The following MEF2D variants were observed in gnomAD, a reference collection of about 807,000 sequenced individuals.
The protein encoded by MEF2D is myocyte-specific enhancer factor 2D.
Under a neutral mutation model 59.3 loss-of-function variants are expected in MEF2D, and 10 were observed. That is an observed-to-expected ratio of 0.17 (90% CI 0.10 to 0.29). The LOEUF (loss-of-function observed/expected upper bound fraction) is 0.29, where lower values mean the gene tolerates loss of function less well. MEF2D is among the 10% of genes least tolerant of loss of function. The pLI is 1.00. For missense variants in MEF2D, 508 were observed against 699.4 expected, an observed-to-expected ratio of 0.73 and a Z score of 3.09; for synonymous variants, 305 against 295.0, an observed-to-expected ratio of 1.03 and a Z score of -0.35.
chr1:156,485,499 G>A (rs1260049984), intron 1 of MEF2D, among the ~76,000 whole-genome samples: 1 of 149,236 alleles, frequency 6.7e-6, no homozygotes, highest in Non-Finnish European at 1.5e-5. Flanking sequence ...CGCTTCAAAC[G>A]ACTCCCTACC....
chr1:156,479,211 G>T lies in MEF2D; in HGVS notation c.664+79C>A, dbSNP rs539379582. 4.0e-5 allele frequency: 50 copies of T among 1,245,148 alleles called. No homozygotes were observed. The South Asian group carries it at 7.4e-4, about 19-fold the overall frequency. The allele number at this position is 1,245,148 out of a possible 1,614,324, so 77.1% of individuals were successfully genotyped here. On this transcript the variant is annotated intron_variant, in intron 6 of 11. Transcript: ENST00000348159. Reference sequence around the variant, plus strand: ...ATCTTCCTCTCCTCTCATCTAGGTCGTTCCTGATCCTTGGACCCCCTGAGG... The same window carrying T: ...ATCTTCCTCTCCTCTCATCTAGGTCTTTCCTGATCCTTGGACCCCCTGAGG...
At chr1:156,469,058 G>C (rs765256600) in intron 9 of MEF2D, 38 bp from the exon 10 acceptor site, 46 of 1,563,668 alleles carry the variant, frequency 2.9e-5, no homozygotes, top group African/African-American at 5.4e-5. Context: ...CTGGAGTTGG[G>C]GAGAGCACAC....
chr1:156,482,527 C>A lies in MEF2D; in HGVS notation c.168G>T (p.Gln56His). The change falls in exon 3 of 12, where the codon CAG (glutamine) becomes CAT (histidine). Residue 56 changes from glutamine to histidine, a missense_variant. By Grantham distance (24) the Gln-to-His change is conservative (BLOSUM62 0). This residue lies in a region of MEF2D where 27 missense variants were observed against 114.8 expected (regional missense o/e 0.24). Transcript: ENST00000348159. ...IIFNHSNKLF[Q>H]YASTDMDKVL... ...CCTTGTCCATGTCGGTGCTGGCGTA[C>A]TGGAACAGCTTGTTGGAGTGGTTGA... The A allele has an allele frequency of 6.2e-7, 1 of 1,614,234 alleles. No individual in the cohort carries two copies. Among genetic ancestry groups the A allele is most frequent in the Non-Finnish European group, 8.5e-7 (1 of 1,180,050 alleles).
chr1:156,467,997 G>T lies in MEF2D; in HGVS notation c.1550C>A (p.Thr517Asn). The change falls in exon 11 of 12, where the codon ACC becomes AAC. Residue 517 changes from threonine (T) to asparagine (N), a missense_variant. Physicochemically the swap from Thr to Asn is moderately conservative, Grantham distance 65. Transcript: ENST00000348159. ...GSAVKRMRLDTWTLK is the reference protein window; with the variant it reads ...GSAVKRMRLDNWTLK ...GGAGAGGTGATGCTACAGTACCCAGGTATCAAGCCGCATCCTCTTCACAGC... is the reference window on the plus strand; with the variant it reads ...GGAGAGGTGATGCTACAGTACCCAGTTATCAAGCCGCATCCTCTTCACAGC... The T allele has an allele frequency of 6.2e-7, 1 of 1,611,372 alleles. No individual in the cohort carries two copies. The highest frequency in any genetic ancestry group is 1.3e-5 in the African/African-American group (1 of 75,030).
intron 1 of MEF2D, among the ~76,000 whole-genome samples, chr1:156,491,733 G>A (rs1326656854): frequency 6.6e-6 from 1 of 152,210 alleles, no homozygotes; most frequent in African/African-American, 2.4e-5. Context: ...GCCTAAGGCT[G>A]TCTTCATACT....
rs1225544871 is a variant in MEF2D, at chr1:156,473,757, A to C, written c.1006+1351T>G. On this transcript the variant is annotated intron_variant, in intron 9 of 11. Coordinates refer to ENST00000348159, the MANE Select transcript of MEF2D (RefSeq NM_005920.4). ...ATTCTTCTATCCAGAGACCTTTCTCATGTCCTTAAGTGGCTCTTTACCTTC... is the reference window on the plus strand; with the variant it reads ...ATTCTTCTATCCAGAGACCTTTCTCCTGTCCTTAAGTGGCTCTTTACCTTC... Among the ~76,000 whole-genome samples the C allele has an allele frequency of 3.3e-5, 5 of 152,156 alleles. No homozygotes were observed. The East Asian group carries it at 9.6e-4, about 29-fold the overall frequency.
intron 1 of MEF2D, among the ~76,000 whole-genome samples, chr1:156,498,037 G>T (rs1307710357): frequency 7.4e-6 from 1 of 134,828 alleles, no homozygotes; most frequent in East Asian, 2.2e-4. Flanking sequence ...TGCTCCTTTA[G>T]CTCCCCCCAA....
intron 1 of MEF2D, among the ~76,000 whole-genome samples, chr1:156,497,250 C>A (rs769778513): frequency 6.6e-6 from 1 of 152,404 alleles, no homozygotes; most frequent in East Asian, 1.9e-4. Flanking sequence ...GAAGGACAGA[C>A]AGTTGGCCGG....
At position 156,467,000 on chromosome 1, in the gene MEF2D, G is replaced by GT; in HGVS notation, c.*644_*645insA. The GT allele has an allele frequency of 6.6e-6, 1 of 152,580 alleles. No individual in the cohort carries two copies. Among genetic ancestry groups the GT allele is most frequent in the African/African-American group, 2.4e-5 (1 of 41,426 alleles). The allele number at this position is 152,580 out of a possible 1,614,324, so 9.5% of individuals were successfully genotyped here. ...TCAGCCAGCACCCACACACCTTGGG[G>GT]GTGCAGCACACACAAGAATCAGCGC... On this transcript the variant is annotated 3_prime_UTR_variant, in exon 12 of 12. Transcript: ENST00000348159.
At chr1:156,480,321 G>A (rs1671911704) in intron 4 of MEF2D, among the ~76,000 whole-genome samples, 1 of 152,154 alleles carries the variant, frequency 6.6e-6, no homozygotes, top group Non-Finnish European at 1.5e-5. Flanking sequence ...TGGGCTATCA[G>A]AGCAAGCCCA....
At position 156,468,711 on chromosome 1, in the gene MEF2D, A is replaced by G. The variant is rs757590223; in HGVS notation, c.1247+69T>C. ...AACCCTGCAGGGAACCCAGCTCCCA[A>G]GAGGTCCCTCCTCTTCCCGTTCAAT... On this transcript the variant is annotated intron_variant, in intron 10 of 11. Coordinates refer to ENST00000348159, the MANE Select transcript of MEF2D (RefSeq NM_005920.4). This position sits in a 1 kb window ranked among gnomAD's most constrained non-coding sequence, Gnocchi z 4.3. 2.3e-5 allele frequency: 36 copies of G among 1,564,556 alleles called. No individual in the cohort carries two copies. Among genetic ancestry groups the G allele is most frequent in the Non-Finnish European group, 3.0e-5 (34 of 1,150,144 alleles).
At chr1:156,479,510 G>T in intron 5 of MEF2D, 76 bp downstream of exon 5, 1 of 1,517,260 alleles carries the variant, frequency 6.6e-7, no homozygotes, top group Non-Finnish European at 8.9e-7. Flanking sequence ...AGAAATACTT[G>T]CTGTTGAAAA....
At chr1:156,499,795 C>T (rs992635574) in intron 1 of MEF2D, among the ~76,000 whole-genome samples, 2 of 152,066 alleles carry the variant, frequency 1.3e-5, no homozygotes, top group African/African-American at 4.8e-5. Flanking sequence ...GTCTCGGAAG[C>T]GGGGCTAGGA....
At chr1:156,494,493 G>C (rs1673012826) in intron 1 of MEF2D, among the ~76,000 whole-genome samples, 1 of 152,096 alleles carries the variant, frequency 6.6e-6, no homozygotes, top group African/African-American at 2.4e-5. Flanking sequence ...GGAGGGGAGG[G>C]CTGGGCTCAG....
intron 4 of MEF2D, among the ~76,000 whole-genome samples, chr1:156,480,229 C>T (rs957475431): frequency 1.3e-5 from 2 of 152,150 alleles, no homozygotes; most frequent in Non-Finnish European, 2.9e-5. Context: ...ATCTGGCCTG[C>T]TGCAGAGAGA....
At chr1:156,491,833 A>G (rs1672818357) in intron 1 of MEF2D, among the ~76,000 whole-genome samples, 1 of 152,170 alleles carries the variant, frequency 6.6e-6, no homozygotes, top group South Asian at 2.1e-4. Flanking sequence ...CTTCAGGCTC[A>G]ACTTCCCATT....
chr1:156,477,415 G>A (rs563791563), intron 6 of MEF2D, among the ~76,000 whole-genome samples: 121 of 152,214 alleles, frequency 7.9e-4, no homozygotes, highest in African/African-American at 2.6e-3. Context: ...CTTTAGGTTC[G>A]TTCCCCTAAC....
chr1:156,464,220 C>T lies in MEF2D; in HGVS notation c.*3425G>A, dbSNP rs567639447. On this transcript the variant is annotated 3_prime_UTR_variant, in exon 12 of 12. Coordinates refer to ENST00000348159, the MANE Select transcript of MEF2D (RefSeq NM_005920.4). Reference sequence around the variant, plus strand: ...GCGAAAGCCTAAACTTACCCCTCACCCCACCCCAGGGGATTCCAAAGAGTC... The same window carrying T: ...GCGAAAGCCTAAACTTACCCCTCACTCCACCCCAGGGGATTCCAAAGAGTC... The T allele has an allele frequency of 2.0e-5, 3 of 152,734 alleles. No individual in the cohort carries two copies. Among genetic ancestry groups the T allele is most frequent in the African/African-American group, 7.2e-5 (3 of 41,546 alleles). 9.5% of individuals were successfully genotyped at this position (152,734 alleles called of 1,614,324 possible). A position where few individuals can be genotyped will look rare whatever the true frequency, so the allele number is the denominator to read the frequency against.
intron 1 of MEF2D, among the ~76,000 whole-genome samples, chr1:156,490,193 G>A (rs1192638538): frequency 6.6e-6 from 1 of 151,980 alleles, no homozygotes; most frequent in Non-Finnish European, 1.5e-5. Context: ...AACCCCTCCT[G>A]CGAGGCCTGC....
Sources: allele counts gnomAD v4.1 joint callset (sites outside exome capture counted in the v4.1 genomes callset), GRCh38; gene constraint gnomAD v4.1.1; regional missense constraint gnomAD v4.1.1; non-coding constraint Gnocchi (gnomAD v3.1); transcripts MANE v1.5; gene names NCBI Gene and HGNC (gene_info 2026-07-23, HGNC 2026-07-21).